Variants in DSCAML1 observed in about 807,000 individuals in gnomAD.
DSCAML1 encodes the protein DS cell adhesion molecule like 1, also known as cell adhesion molecule DSCAML1.
Under a neutral mutation model 200.5 loss-of-function variants are expected in DSCAML1, and 38 were observed. That is an observed-to-expected ratio of 0.19 (90% CI 0.15 to 0.25). The LOEUF is 0.25. DSCAML1 is among the 10% of genes least tolerant of loss of function. The pLI is 1.00. For missense variants in DSCAML1, 2,223 were observed against 2,858.8 expected (o/e 0.78, Z 5.07); for synonymous variants, 1,215 against 1,165.0 (o/e 1.04, Z -0.87).
At chr11:117,507,019 A>G (rs1461869854) in intron 8 of DSCAML1, among the ~76,000 whole-genome samples, 2 of 151,922 alleles carry the variant, frequency 1.3e-5, no homozygotes, top group South Asian at 2.1e-4. Context: ...AACACTGCCT[A>G]TGTCTCAGCC....
At chr11:117,736,785 T>C (rs2054324170) in intron 3 of DSCAML1, among the ~76,000 whole-genome samples, 1 of 152,328 alleles carries the variant, frequency 6.6e-6, no homozygotes, top group South Asian at 2.1e-4. Context: ...GCAAATGGTT[T>C]TGGCAATAAC....
intron 3 of DSCAML1, among the ~76,000 whole-genome samples, chr11:117,700,206 C>T (rs1034712078): frequency 2.6e-5 from 4 of 152,240 alleles, no homozygotes; most frequent in Non-Finnish European, 5.9e-5. Context: ...TTCATCATAA[C>T]AGTGCTCTAC....
At chr11:117,711,344 G>A (rs1304320111) in intron 3 of DSCAML1, among the ~76,000 whole-genome samples, 6 of 152,148 alleles carry the variant, frequency 3.9e-5, no homozygotes, top group Admixed American at 1.3e-4. Flanking sequence ...TGCTGCTCCC[G>A]TTTTACAGAA....
rs2047840492 is a variant in DSCAML1 at position 117,433,259 on chromosome 11, G to A, written c.4908-3C>T. On this transcript the variant is annotated splice_region_variant and splice_polypyrimidine_tract_variant and intron_variant, in intron 28 of 32. Transcript: ENST00000651296. The stretch of plus-strand genomic sequence containing the variant: ...TGTCAAAGCTTCTATTGTTCTTGCT[G>A]TGGGGAGAAAGACTGGAGGTGGTGG... The A allele has an allele frequency of 6.2e-7, 1 of 1,607,308 alleles. No individual in the cohort carries two copies.
intron 3 of DSCAML1, among the ~76,000 whole-genome samples, chr11:117,595,525 A>T (rs562939594): frequency 2.6e-5 from 4 of 152,306 alleles, no homozygotes; most frequent in Admixed American, 2.6e-4. Context: ...ACATCATTTT[A>T]AGGACTACAT....
intron 3 of DSCAML1, among the ~76,000 whole-genome samples, chr11:117,692,075 G>C (rs1359710375): frequency 6.6e-6 from 1 of 152,058 alleles, no homozygotes; most frequent in African/African-American, 2.4e-5. Flanking sequence ...TGGAGAGCTG[G>C]GCCTAGCGGG....
At chr11:117,429,767 T>C (rs2047746451) in intron 32 of DSCAML1, among the ~76,000 whole-genome samples, 1 of 152,214 alleles carries the variant, frequency 6.6e-6, no homozygotes, top group African/African-American at 2.4e-5. Context: ...TGCCTGCAAA[T>C]GGGCCTCTTC....
chr11:117,751,265 T>G (rs1307312391), intron 3 of DSCAML1, among the ~76,000 whole-genome samples: 1 of 152,092 alleles, frequency 6.6e-6, no homozygotes, highest in East Asian at 1.9e-4. Context: ...ATCAAACATT[T>G]GTGCTACATT....
intron 3 of DSCAML1, among the ~76,000 whole-genome samples, chr11:117,664,836 C>T (rs549780558): frequency 2.0e-5 from 3 of 152,330 alleles, no homozygotes; most frequent in South Asian, 2.1e-4. Flanking sequence ...TTCCACACCC[C>T]TACTCCTCCT....
chr11:117,486,192 ACT>A (rs1304371620), intron 11 of DSCAML1, among the ~76,000 whole-genome samples: 1 of 152,240 alleles, frequency 6.6e-6, no homozygotes, highest in African/African-American at 2.4e-5. Flanking sequence ...AATTAGCTAA[ACT>A]GGGTCTGCTG....
rs537536697 is a variant in DSCAML1, at chr11:117,718,984, TC to T, written c.511+57806del. Among the ~76,000 whole-genome samples, 18 of 152,224 alleles carry T rather than the reference TC, an allele frequency of 1.2e-4. No individual in the cohort carries two copies. The South Asian group carries it at 3.7e-3, about 32-fold the overall frequency. ...AGGGAAGAGAGAAGCTGTGTTCAAA[TC>T]CAAGTTTGCAAAAAGAGGCCATGGG... On this transcript the variant is annotated intron_variant, in intron 3 of 32. Transcript: ENST00000651296.
intron 3 of DSCAML1, among the ~76,000 whole-genome samples, chr11:117,600,186 C>T (rs930468144): frequency 6.6e-6 from 1 of 152,226 alleles, no homozygotes; most frequent in African/African-American, 2.4e-5. Flanking sequence ...TACTCCTGAC[C>T]ACCCTCACAT....
intron 1 of DSCAML1, among the ~76,000 whole-genome samples, chr11:117,785,123 C>G (rs142253497): frequency 6.6e-6 from 1 of 152,148 alleles, no homozygotes. Context: ...ACCAGCCACG[C>G]GCTGCACCAC....
At chr11:117,588,053 G>C (rs1461544325) in intron 3 of DSCAML1, among the ~76,000 whole-genome samples, 1 of 152,122 alleles carries the variant, frequency 6.6e-6, no homozygotes, top group Non-Finnish European at 1.5e-5. Flanking sequence ...AATGTGCCAG[G>C]TACCATTCTA....
intron 3 of DSCAML1, among the ~76,000 whole-genome samples, chr11:117,731,684 A>C (rs750028447): frequency 6.6e-6 from 1 of 152,174 alleles, no homozygotes; most frequent in Non-Finnish European, 1.5e-5. Context: ...GTCGTTTAAT[A>C]CCACAATACA....
chr11:117,546,068 C>T lies in DSCAML1; in HGVS notation c.512-13546G>A, dbSNP rs1444744897. 2.0e-5 allele frequency among the ~76,000 whole-genome samples: 3 copies of T among 152,360 alleles called. No individual in the cohort carries two copies. In the East Asian group the frequency reaches 5.8e-4, roughly 29 times the overall value. ...AGAAGCTTTGGCCTGCCCGTCAGTG[C>T]TGAAGTGGTGTCACCACCCCCAAGT... On this transcript the variant is annotated intron_variant, in intron 3 of 32. Coordinates refer to ENST00000651296, the MANE Select transcript of DSCAML1 (RefSeq NM_020693.4).
chr11:117,716,166 A>T (rs948774), intron 3 of DSCAML1, among the ~76,000 whole-genome samples: 143,609 of 152,338 alleles, frequency 0.94, 68,006 homozygotes, highest in South Asian at 0.99. Flanking sequence ...GGTTGCTTCC[A>T]ACAGCCCGGA....
chr11:117,477,380 GTGTGTGTGTGTA>G lies in DSCAML1; in HGVS notation c.2785+3051_2785+3062del, dbSNP rs1393662378. ...TGTGTGTGTGTGTGTGTGTGTGTGT[GTGTGTGTGTGTA>G]TGTGTGTGTGTATGTGTATATTCTC... On this transcript the variant is annotated intron_variant, in intron 14 of 32. Transcript: ENST00000651296. 7.3e-3 allele frequency among the ~76,000 whole-genome samples: 1,017 copies of G among 139,312 alleles called. 10 individuals carry two copies. The highest frequency in any genetic ancestry group is 0.018 in the Middle Eastern group (5 of 276). 91.4% of individuals were successfully genotyped at this position (139,312 alleles called of 152,430 possible). A position where few individuals can be genotyped will look rare whatever the true frequency, so the allele number is the denominator to read the frequency against.
chr11:117,736,609 G>T (rs537271959), intron 3 of DSCAML1, among the ~76,000 whole-genome samples: 1 of 152,244 alleles, frequency 6.6e-6, no homozygotes, highest in South Asian at 2.1e-4. Context: ...TCTGTGTTTG[G>T]CATCCTTGGT....
Sources: gnomAD v4.1 joint callset for allele counts (sites outside exome capture counted in the v4.1 genomes callset) on GRCh38, gnomAD v4.1.1 for gene constraint, MANE v1.5 for transcripts, NCBI Gene and HGNC (gene_info 2026-07-23, HGNC 2026-07-21) for gene names.